GULP1: variants seen among roughly 807,000 people sequenced by gnomAD.
GULP1 encodes PTB domain-containing engulfment adapter protein 1.
A neutral mutation model predicts 40.9 loss-of-function variants in GULP1; 19 were observed. The observed-to-expected ratio is 0.46, with a 90% CI of 0.32 to 0.68. The LOEUF (loss-of-function observed/expected upper bound fraction) is 0.68, where lower values mean the gene tolerates loss of function less well. GULP1 is among the 30% of genes least tolerant of loss of function. The probability of loss-of-function intolerance (pLI) is 0.03; values close to 1 mark genes in which losing one functional copy is unlikely to be tolerated. For missense variants in GULP1, 312 were observed against 362.2 expected, an observed-to-expected ratio of 0.86 and a Z score of 1.12; for synonymous variants, 119 against 117.6, an observed-to-expected ratio of 1.01 and a Z score of -0.08.
chr2:188,491,958 AT>A (rs146161430), intron 4 of GULP1, among the ~76,000 whole-genome samples: 3,168 of 151,790 alleles, frequency 0.021, 105 homozygotes, highest in African/African-American at 0.073. Context: ...TGTATCATCT[AT>A]TTTTTTTCCT....
At chr2:188,304,128 A>G (rs555865174) in intron 1 of GULP1, among the ~76,000 whole-genome samples, 2 of 152,126 alleles carry the variant, frequency 1.3e-5, no homozygotes, top group Admixed American at 1.3e-4. Flanking sequence ...AAATTATAGT[A>G]GAAAATATAA....
intron 2 of GULP1, among the ~76,000 whole-genome samples, chr2:188,446,060 C>G (rs2058357873): frequency 6.6e-6 from 1 of 152,150 alleles, no homozygotes; most frequent in African/African-American, 2.4e-5. Flanking sequence ...CCTAGAAAGG[C>G]TAAAATGACC....
intron 1 of GULP1, among the ~76,000 whole-genome samples, chr2:188,312,389 CAT>C (rs1250501146): frequency 1.3e-5 from 2 of 152,236 alleles, no homozygotes; most frequent in South Asian, 2.1e-4. Context: ...TAAATGAGAA[CAT>C]GTGGTATTTG....
At chr2:188,566,830 T>C (rs1264980838) in intron 7 of GULP1, among the ~76,000 whole-genome samples, 1 of 116,888 alleles carries the variant, frequency 8.6e-6, no homozygotes, top group African/African-American at 3.2e-5. Flanking sequence ...AGGGGAAGGA[T>C]ACATCGAAAT....
intron 9 of GULP1, chr2:188,582,695 CT>C (rs1386761360): frequency 8.6e-6 from 3 of 349,322 alleles, no homozygotes; most frequent in African/African-American, 6.5e-5. Flanking sequence ...GATCTGGAGC[CT>C]TTGTGTGCCA....
At chr2:188,322,318 A>G (rs868568532) in intron 1 of GULP1, among the ~76,000 whole-genome samples, 5 of 151,904 alleles carry the variant, frequency 3.3e-5, no homozygotes, top group Admixed American at 6.6e-5. Context: ...TTTTAGGGGT[A>G]GAGGAAGAGG....
At chr2:188,403,281 C>T (rs984262197) in intron 2 of GULP1, among the ~76,000 whole-genome samples, 5 of 151,808 alleles carry the variant, frequency 3.3e-5, no homozygotes, top group Non-Finnish European at 5.9e-5. Flanking sequence ...TATATCATTA[C>T]GAAGAGATTC....
chr2:188,513,537 C>T (rs1032076265), intron 4 of GULP1, among the ~76,000 whole-genome samples: 2 of 151,986 alleles, frequency 1.3e-5, no homozygotes, highest in African/African-American at 4.8e-5. Flanking sequence ...AGATAATGTG[C>T]AATATTTTTA....
At chr2:188,338,775 C>T (rs1045896873) in intron 1 of GULP1, among the ~76,000 whole-genome samples, 1 of 152,106 alleles carries the variant, frequency 6.6e-6, no homozygotes, top group Non-Finnish European at 1.5e-5. Flanking sequence ...TTCACCACTC[C>T]CATCTGTCCA....
Position 188,570,829 on chromosome 2 carries a change from T to C in GULP1, c.609+709T>C, listed in dbSNP as rs901214237. The stretch of plus-strand genomic sequence containing the variant: ...AATCATCTGTACTACTGATATTCTT[T>C]ATTAAAGTGTATTTATTATTCTTCA... On this transcript the variant is annotated intron_variant, in intron 9 of 11. Coordinates refer to ENST00000409830, the MANE Select transcript of GULP1 (RefSeq NM_016315.4). 2.0e-5 allele frequency among the ~76,000 whole-genome samples: 3 copies of C among 152,220 alleles called. No individual in the cohort carries two copies. In the East Asian group the frequency reaches 5.8e-4, roughly 29 times the overall value.
At chr2:188,360,994 C>T (rs1358382933) in intron 1 of GULP1, among the ~76,000 whole-genome samples, 2 of 151,786 alleles carry the variant, frequency 1.3e-5, no homozygotes, top group African/African-American at 4.8e-5. Context: ...AATTATTTTC[C>T]CCAATAAATT....
intron 1 of GULP1, among the ~76,000 whole-genome samples, chr2:188,358,723 T>G (rs369765894): frequency 2.0e-4 from 30 of 152,136 alleles, no homozygotes; most frequent in South Asian, 4.1e-4. Flanking sequence ...AGTATAAAAT[T>G]TAAGACTGCC....
At chr2:188,328,589 C>G (rs2041095247) in intron 1 of GULP1, among the ~76,000 whole-genome samples, 1 of 152,160 alleles carries the variant, frequency 6.6e-6, no homozygotes, top group Non-Finnish European at 1.5e-5. Context: ...GTTTGCTCTT[C>G]TGCCCTATGG....
intron 10 of GULP1, among the ~76,000 whole-genome samples, chr2:188,584,615 T>A (rs1304271633): frequency 6.6e-6 from 1 of 152,168 alleles, no homozygotes; most frequent in Admixed American, 6.5e-5. Context: ...CTTGCAACTT[T>A]TACCTATTGT....
chr2:188,320,404 A>G (rs4453654), intron 1 of GULP1, among the ~76,000 whole-genome samples: 14,069 of 152,178 alleles, frequency 0.092, 1,088 homozygotes, highest in African/African-American at 0.2. Flanking sequence ...TTGCTGCATC[A>G]TTACATGGAA....
intron 2 of GULP1, among the ~76,000 whole-genome samples, chr2:188,385,294 G>A (rs1326401193): frequency 6.6e-6 from 1 of 152,104 alleles, no homozygotes; most frequent in Non-Finnish European, 1.5e-5. Flanking sequence ...GCCAAGACTT[G>A]GGGCTTGCAC....
chr2:188,345,663 G>A (rs1286588719), intron 1 of GULP1, among the ~76,000 whole-genome samples: 1 of 152,032 alleles, frequency 6.6e-6, no homozygotes, highest in Non-Finnish European at 1.5e-5. Context: ...TATTGTGTGT[G>A]GGCCACTCTT....
chr2:188,306,020 C>T (rs192627720), intron 1 of GULP1, among the ~76,000 whole-genome samples: 139 of 152,156 alleles, frequency 9.1e-4, no homozygotes, highest in African/African-American at 2.1e-3. Flanking sequence ...TCAAGTGATC[C>T]GCCCTCCTCA....
At chr2:188,336,710 GT>G (rs1326169665) in intron 1 of GULP1, among the ~76,000 whole-genome samples, 1 of 152,168 alleles carries the variant, frequency 6.6e-6, no homozygotes, top group Non-Finnish European at 1.5e-5. Context: ...ATGAATATAT[GT>G]GGGCATGTAG....
Sources: gnomAD v4.1 joint callset for allele counts (sites outside exome capture counted in the v4.1 genomes callset) on GRCh38, gnomAD v4.1.1 for gene constraint, MANE v1.5 for transcripts, NCBI Gene and HGNC (gene_info 2026-07-23, HGNC 2026-07-21) for gene names.